Variants in MYO3A observed in about 807,000 individuals in gnomAD.
The protein encoded by MYO3A is myosin IIIA.
Under a neutral mutation model 192.7 loss-of-function variants are expected in MYO3A, and 180 were observed. The observed-to-expected ratio is 0.93, with a 90% confidence interval of 0.83 to 1.06. MYO3A has a LOEUF of 1.06. Among genes scored for constraint, MYO3A ranks in the 50% least tolerant of loss-of-function variants. The probability of loss-of-function intolerance (pLI) is 0.00; values close to 1 mark genes in which losing one functional copy is unlikely to be tolerated. For synonymous variants in MYO3A, 628 were observed against 645.3 expected (o/e 0.97, Z 0.41); for missense variants, 1,896 against 1,905.0 (o/e 1.00, Z 0.09).
chr10:26,037,371 A>G (rs1843093591), intron 10 of MYO3A, among the ~76,000 whole-genome samples: 1 of 152,238 alleles, frequency 6.6e-6, no homozygotes, highest in Non-Finnish European at 1.5e-5. Flanking sequence ...TATGTTCAAC[A>G]GACACAATAG....
chr10:25,999,540 A>G (rs1840650924), intron 6 of MYO3A, among the ~76,000 whole-genome samples: 1 of 152,216 alleles, frequency 6.6e-6, no homozygotes, highest in Admixed American at 6.5e-5. Flanking sequence ...CACAACCTGC[A>G]GAATCAAACT....
At chr10:25,985,341 G>T (rs1839586204) in intron 4 of MYO3A, among the ~76,000 whole-genome samples, 1 of 151,042 alleles carries the variant, frequency 6.6e-6, no homozygotes, top group East Asian at 1.9e-4. Flanking sequence ...CCCAAACTCA[G>T]CAGAAGAAAA....
At chr10:26,197,948 C>T (rs1268709550) in intron 32 of MYO3A, among the ~76,000 whole-genome samples, 1 of 152,178 alleles carries the variant, frequency 6.6e-6, no homozygotes, top group African/African-American at 2.4e-5. Context: ...TCTATGGAGG[C>T]GAGGCCTATG....
intron 10 of MYO3A, among the ~76,000 whole-genome samples, chr10:26,043,290 T>C (rs1171160823): frequency 6.6e-6 from 1 of 151,586 alleles, no homozygotes; most frequent in Non-Finnish European, 1.5e-5. Flanking sequence ...TCTTGCCCCA[T>C]GCCCACTGTA....
intron 34 of MYO3A, among the ~76,000 whole-genome samples, chr10:26,203,716 CAT>C (rs1486140699): frequency 6.6e-6 from 1 of 152,074 alleles, no homozygotes; most frequent in African/African-American, 2.4e-5. Flanking sequence ...ACAAACATGA[CAT>C]ATGAAAAATG....
chr10:26,062,698 C>A (rs4998836), intron 10 of MYO3A, among the ~76,000 whole-genome samples: 3 of 151,502 alleles, frequency 2.0e-5, no homozygotes, highest in South Asian at 2.1e-4. Flanking sequence ...GACTGTACAC[C>A]TTAGGATGAT....
Position 26,128,501 on chromosome 10 carries a change from A to G in MYO3A, c.2225A>G (p.Gln742Arg). ...LCINIANEQI[Q>R]YYYNQHVFAW... ...ATTAACATTGCAAATGAACAAATTC[A>G]GTATTATTATAATCAACATGTGTTT... The change falls in exon 20 of 35, where the codon CAG (glutamine) becomes CGG (arginine). Residue 742 changes from glutamine to arginine, a missense_variant. Gln to Arg is a conservative substitution (Grantham distance 43, BLOSUM62 1). Coordinates refer to ENST00000642920, the MANE Select transcript of MYO3A (RefSeq NM_017433.5). The G allele has an allele frequency of 6.2e-7, 1 of 1,612,770 alleles. No homozygotes were observed. Among genetic ancestry groups the G allele is most frequent in the Non-Finnish European group, 8.5e-7 (1 of 1,179,192 alleles).
chr10:26,157,208 A>G (rs1589050579), intron 25 of MYO3A, 102 bp from the exon 26 acceptor site: 4 of 1,059,906 alleles, frequency 3.8e-6, no homozygotes, highest in East Asian at 2.5e-5. Flanking sequence ...CATTTATAAC[A>G]TTCATTTTTT....
chr10:26,113,121 T>C (rs921562813), intron 17 of MYO3A, among the ~76,000 whole-genome samples: 1 of 152,202 alleles, frequency 6.6e-6, no homozygotes, highest in African/African-American at 2.4e-5. Context: ...AAATTAAATA[T>C]TTTAAAGCAT....
intron 17 of MYO3A, among the ~76,000 whole-genome samples, chr10:26,109,591 G>A (rs1375366826): frequency 6.6e-6 from 1 of 152,202 alleles, no homozygotes; most frequent in African/African-American, 2.4e-5. Context: ...ATCCACTGGA[G>A]GTCTTGGGAG....
chr10:26,021,624 T>C lies in MYO3A; in HGVS notation c.707T>C (p.Met236Thr). 1 of 1,614,116 alleles carries C rather than the reference T, an allele frequency of 6.2e-7. No individual in the cohort carries two copies. Among genetic ancestry groups the C allele is most frequent in the South Asian group, 1.1e-5 (1 of 91,086 alleles). Reference protein sequence around the residue: ...GDPPLADLHPMRALFKIPRNP... With the variant: ...GDPPLADLHPTRALFKIPRNP... ...CCTCCACTAGCTGACCTTCATCCCATGAGAGCACTCTTCAAAATACCAAGG... is the reference window on the plus strand; with the variant it reads ...CCTCCACTAGCTGACCTTCATCCCACGAGAGCACTCTTCAAAATACCAAGG... The change falls in exon 8 of 35, where the codon ATG becomes ACG. Residue 236 changes from methionine (M) to threonine (T), a missense_variant. By Grantham distance (81) the Met-to-Thr change is moderately conservative. Transcript: ENST00000642920.
At chr10:26,039,888 TC>T (rs1159078447) in intron 10 of MYO3A, among the ~76,000 whole-genome samples, 3 of 152,072 alleles carry the variant, frequency 2.0e-5, no homozygotes, top group African/African-American at 7.2e-5. Context: ...TCTGCTCTGA[TC>T]TTTATTATTT....
intron 17 of MYO3A, among the ~76,000 whole-genome samples, chr10:26,102,303 C>CT (rs1360392420): frequency 2.6e-5 from 4 of 152,116 alleles, no homozygotes; most frequent in African/African-American, 9.7e-5. Context: ...TTTGTCTAAT[C>CT]TTTTTTCAAG....
intron 4 of MYO3A, among the ~76,000 whole-genome samples, chr10:25,990,992 T>G (rs1212219473): frequency 6.6e-6 from 1 of 152,194 alleles, no homozygotes; most frequent in Non-Finnish European, 1.5e-5. Flanking sequence ...TGTGTCTTTA[T>G]AGCAGCATGA....
rs749551065 is a variant in MYO3A, at chr10:25,952,187, C to A, written c.77C>A (p.Thr26Lys). The A allele has an allele frequency of 1.9e-5, 30 of 1,612,116 alleles. No individual in the cohort carries two copies. In the Middle Eastern group the frequency reaches 2.1e-3, roughly 115 times the overall value. ...DPSDTWEITE[T>K]IGKGTYGKVF... ...TCTGATACATGGGAAATCACTGAGACAATTGGCAAAGGAACTTATGGGAAA... is the reference window on the plus strand; with the variant it reads ...TCTGATACATGGGAAATCACTGAGAAAATTGGCAAAGGAACTTATGGGAAA... Residue 26 changes from threonine (T) to lysine (K), a missense_variant, in exon 3 of 35, where the codon ACA becomes AAA. Physicochemically the swap from Thr to Lys is moderately conservative, Grantham distance 78. Coordinates refer to ENST00000642920, the MANE Select transcript of MYO3A (RefSeq NM_017433.5).
At chr10:26,125,669 A>C in intron 19 of MYO3A, 61 bp downstream of exon 19, 1 of 1,373,750 alleles carries the variant, frequency 7.3e-7, no homozygotes, top group South Asian at 1.2e-5. Flanking sequence ...TCTACTTTCT[A>C]ATTGATTGTT....
At chr10:25,974,490 T>C (rs115402460) in intron 4 of MYO3A, among the ~76,000 whole-genome samples, 1,640 of 152,224 alleles carry the variant, frequency 0.011, 24 homozygotes, top group African/African-American at 0.036. Flanking sequence ...GCTTTGGAGT[T>C]CTTTGTTCTT....
chr10:26,070,543 A>G, intron 14 of MYO3A, 142 bp downstream of exon 14: 2 of 797,626 alleles, frequency 2.5e-6, no homozygotes, highest in Admixed American at 2.3e-5. Context: ...ATCCTTTGAG[A>G]GTTTAAAATA....
intron 25 of MYO3A, 112 bp from the exon 26 acceptor site, chr10:26,157,198 C>A: frequency 1.1e-6 from 1 of 925,206 alleles, no homozygotes; most frequent in Non-Finnish European, 1.7e-6. Context: ...CTAATGGGAG[C>A]ATTTATAACA....
Sources: gnomAD v4.1 joint callset for allele counts (sites outside exome capture counted in the v4.1 genomes callset) on GRCh38, gnomAD v4.1.1 for gene constraint, MANE v1.5 for transcripts, NCBI Gene and HGNC (gene_info 2026-07-23, HGNC 2026-07-21) for gene names.